FRMPD4: variants seen among roughly 807,000 people sequenced by gnomAD.
FRMPD4 encodes FERM and PDZ domain containing 4.
Under a neutral mutation model 94.1 loss-of-function variants are expected in FRMPD4, and 22 were observed. The observed-to-expected ratio is 0.23, with a 90% CI of 0.17 to 0.33. The LOEUF (loss-of-function observed/expected upper bound fraction) is 0.33, where lower values mean the gene tolerates loss of function less well. Ranked by LOEUF, FRMPD4 falls within the 10% of genes least tolerant of loss-of-function variation. FRMPD4 has a pLI of 1.00. For synonymous variants in FRMPD4, 631 were observed against 548.6 expected, an observed-to-expected ratio of 1.15 and a Z score of -2.10; for missense variants, 1,111 against 1,339.9, an observed-to-expected ratio of 0.83 and a Z score of 2.67.
intron 2 of FRMPD4, among the ~76,000 whole-genome samples, chrX:12,561,154 G>A (rs10482320): frequency 0.025 from 2,730 of 111,367 alleles, 75 homozygotes; most frequent in African/African-American, 0.082. Flanking sequence ...ACTTTTCACC[G>A]ACATTGTGGA....
intron 1 of FRMPD4, among the ~76,000 whole-genome samples, chrX:12,141,077 A>G (rs182650610): frequency 1.8e-5 from 2 of 112,360 alleles, no homozygotes; most frequent in East Asian, 5.6e-4. Flanking sequence ...ACATGTTTGC[A>G]GTTGCTTGTT....
chrX:12,502,637 C>A (rs1342398664), intron 2 of FRMPD4, among the ~76,000 whole-genome samples: 1 of 111,050 alleles, frequency 9.0e-6, no homozygotes, highest in African/African-American at 3.3e-5. Flanking sequence ...TATTATAGAT[C>A]CAATCATAGA....
chrX:11,946,897 A>G (rs2054192439), intron 3 of FRMPD4, among the ~76,000 whole-genome samples: 1 of 111,913 alleles, frequency 8.9e-6, no homozygotes, highest in African/African-American at 3.2e-5. Context: ...AGGCATTTAG[A>G]CTCAGACTGA....
At chrX:11,882,348 C>T (rs1403841811) in intron 3 of FRMPD4, among the ~76,000 whole-genome samples, 1 of 110,796 alleles carries the variant, frequency 9.0e-6, no homozygotes, top group African/African-American at 3.3e-5. Context: ...AACTCTAGGG[C>T]GTTCAAGATT....
chrX:12,303,125 G>C, intron 1 of FRMPD4, among the ~76,000 whole-genome samples: 1 of 112,031 alleles, frequency 8.9e-6, no homozygotes, highest in East Asian at 2.8e-4. Context: ...GTTGGAATCA[G>C]CCCACTGCCA....
At chrX:12,605,047 T>C (rs1190279769) in intron 2 of FRMPD4, among the ~76,000 whole-genome samples, 9 of 112,398 alleles carry the variant, frequency 8.0e-5, no homozygotes, top group African/African-American at 2.9e-4. Context: ...AAAACTGAAA[T>C]ATAGAGTGAT....
intron 2 of FRMPD4, among the ~76,000 whole-genome samples, chrX:12,563,067 G>A (rs973150942): frequency 8.9e-6 from 1 of 111,889 alleles, no homozygotes; most frequent in African/African-American, 3.3e-5. Context: ...CCAAGTCAGG[G>A]GAGATATCTA....
At chrX:12,575,314 CTT>C (rs35769840) in intron 2 of FRMPD4, among the ~76,000 whole-genome samples, 1 of 98,080 alleles carries the variant, frequency 1.0e-5, no homozygotes. Flanking sequence ...AAGTAAAGGT[CTT>C]TTTTTTTTTT....
In FRMPD4 at chrX:12,724,271, C is replaced by T. The variant is rs749540761; in HGVS notation, c.*2413C>T. ...CCTTCTAATCAACCTCCCATTACTG[C>T]GCCAGTAAGTTTCTGTTTCTTATAA... On this transcript the variant is annotated 3_prime_UTR_variant, in exon 17 of 17. Transcript: ENST00000675598. The T allele has an allele frequency of 6.3e-5, 7 of 111,387 alleles. No individual in the cohort carries two copies. The highest frequency in any genetic ancestry group is 7.6e-4 in the South Asian group (2 of 2,620). The allele number at this position is 111,387 out of a possible 1,213,427, so 9.2% of individuals were successfully genotyped here.
At chrX:12,602,311 T>C (rs960046190) in intron 2 of FRMPD4, among the ~76,000 whole-genome samples, 16 of 111,399 alleles carry the variant, frequency 1.4e-4, no homozygotes, top group Non-Finnish European at 2.3e-4. Context: ...TTAGGCCCCC[T>C]TCCAGGCCAC....
chrX:12,315,135 C>G (rs1488895958), intron 1 of FRMPD4, among the ~76,000 whole-genome samples: 1 of 111,950 alleles, frequency 8.9e-6, no homozygotes, highest in Non-Finnish European at 1.9e-5. Flanking sequence ...CTGATTATGG[C>G]TTTCTAGATT....
At chrX:11,976,888 G>A (rs1427675403) in intron 3 of FRMPD4, among the ~76,000 whole-genome samples, 1 of 111,312 alleles carries the variant, frequency 9.0e-6, no homozygotes, top group East Asian at 2.8e-4. Flanking sequence ...CCAACTCTGT[G>A]ATCATTTTCA....
At chrX:12,216,973 A>G (rs1454001047) in intron 1 of FRMPD4, among the ~76,000 whole-genome samples, 6 of 111,655 alleles carry the variant, frequency 5.4e-5, no homozygotes, top group Admixed American at 2.9e-4. Context: ...AAAAATCTTC[A>G]TTACCGCTTT....
chrX:12,620,984 G>T (rs1291016323), intron 4 of FRMPD4, among the ~76,000 whole-genome samples: 5 of 112,064 alleles, frequency 4.5e-5, no homozygotes, highest in Non-Finnish European at 7.5e-5. Context: ...ACTTTGGGAG[G>T]CCGAGGTGGG....
At chrX:12,490,096 C>T (rs1437869334) in intron 1 of FRMPD4, among the ~76,000 whole-genome samples, 1 of 111,424 alleles carries the variant, frequency 9.0e-6, no homozygotes, top group African/African-American at 3.3e-5. Flanking sequence ...ATAGAGCTCT[C>T]AGACTACATT....
intron 1 of FRMPD4, among the ~76,000 whole-genome samples, chrX:12,452,440 A>C (rs1172533870): frequency 9.0e-6 from 1 of 111,479 alleles, no homozygotes; most frequent in Non-Finnish European, 1.9e-5. Context: ...AGCAAGGAAA[A>C]GTGATTAAGA....
At chrX:12,219,706 G>A (rs751923916) in intron 1 of FRMPD4, among the ~76,000 whole-genome samples, 137 of 112,249 alleles carry the variant, frequency 1.2e-3, no homozygotes, top group Non-Finnish European at 2.3e-3. Flanking sequence ...CTGTCTTAAA[G>A]CCTTATAGTT....
intron 1 of FRMPD4, among the ~76,000 whole-genome samples, chrX:12,141,364 A>G (rs191188123): frequency 3.1e-3 from 344 of 112,188 alleles, no homozygotes; most frequent in African/African-American, 0.011. Context: ...TTCAGAAGGC[A>G]TATCTTGGAA....
At position 12,354,903 on chromosome X, in the gene FRMPD4, A is replaced by G. The variant is rs753369806; in HGVS notation, c.42-143777A>G. The stretch of plus-strand genomic sequence containing the variant: ...GGAACAGGGATTAAAATGTAGCGCA[A>G]TTAAAGACGTTTGGGGAGAATATTA... On this transcript the variant is annotated intron_variant, in intron 1 of 16. Transcript: ENST00000675598. Among the ~76,000 whole-genome samples the G allele has an allele frequency of 2.2e-4, 25 of 112,472 alleles. No individual in the cohort carries two copies. The South Asian group carries it at 4.4e-3, about 20-fold the overall frequency.
Sources: gnomAD v4.1 joint callset for allele counts (sites outside exome capture counted in the v4.1 genomes callset) on GRCh38, gnomAD v4.1.1 for gene constraint, MANE v1.5 for transcripts, NCBI Gene and HGNC (gene_info 2026-07-23, HGNC 2026-07-21) for gene names.